GTF3C3: variants seen among roughly 807,000 people sequenced by gnomAD.
GTF3C3 encodes the protein general transcription factor 3C polypeptide 3.
GTF3C3 carries 75 observed loss-of-function variants against 105.2 expected under a neutral mutation model. The observed-to-expected ratio is 0.71, with a 90% CI of 0.59 to 0.86. The LOEUF is 0.86. Among genes scored for constraint, GTF3C3 ranks in the 40% least tolerant of loss-of-function variants. The pLI is 0.00. For synonymous variants in GTF3C3, 335 were observed against 370.4 expected (o/e 0.90, Z 1.10); for missense variants, 856 against 1,076.5 (o/e 0.80, Z 2.87).
intron 14 of GTF3C3, 140 bp from the exon 15 acceptor site, chr2:196,772,078 T>C: frequency 1.6e-6 from 1 of 613,484 alleles, no homozygotes; most frequent in Non-Finnish European, 2.9e-6. Flanking sequence ...TTTCAATCTA[T>C]TTAAAGCAAA....
chr2:196,771,673 G>A (rs890526589), intron 15 of GTF3C3, 75 bp downstream of exon 15: 4 of 983,486 alleles, frequency 4.1e-6, no homozygotes. Flanking sequence ...AATTAACCCA[G>A]ACAGTTCCAA....
At chr2:196,798,687 C>A (rs1301190365) in intron 1 of GTF3C3, among the ~76,000 whole-genome samples, 1 of 151,786 alleles carries the variant, frequency 6.6e-6, no homozygotes, top group Non-Finnish European at 1.5e-5. Context: ...CATGGTGAAA[C>A]CCCGTCTCTA....
chr2:196,769,200 A>G (rs1202749804), intron 16 of GTF3C3, among the ~76,000 whole-genome samples: 1 of 152,210 alleles, frequency 6.6e-6, no homozygotes, highest in African/African-American at 2.4e-5. Flanking sequence ...ATTTTAATGC[A>G]GGCTTTATTT....
chr2:196,789,123 TAC>T, intron 6 of GTF3C3, 79 bp downstream of exon 6: 1 of 1,183,142 alleles, frequency 8.5e-7, no homozygotes, highest in Non-Finnish European at 1.2e-6. Flanking sequence ...CAATGAAAAG[TAC>T]ATTCTATTCC....
At chr2:196,777,967 T>C (rs1322564509) in intron 10 of GTF3C3, 3 of 152,216 alleles carry the variant, frequency 2.0e-5, no homozygotes, top group Non-Finnish European at 2.9e-5. Flanking sequence ...TGCAGCTTTT[T>C]ACGATGGTAT....
At chr2:196,778,369 T>C (rs1000746280) in intron 10 of GTF3C3, 6 of 152,552 alleles carry the variant, frequency 3.9e-5, no homozygotes, top group African/African-American at 1.4e-4. Flanking sequence ...CTTTTTGCTT[T>C]CATGTATTTC....
In GTF3C3 at chr2:196,790,051, T is replaced by TG; in HGVS notation, c.554dup (p.Phe186IlefsTer9). 6.2e-7 allele frequency: 1 copy of TG among 1,608,294 alleles called. No homozygotes were observed. The highest frequency in any genetic ancestry group is 8.5e-7 in the Non-Finnish European group (1 of 1,178,158). On this transcript the variant is annotated frameshift_variant, in exon 5 of 18. Transcript: ENST00000263956. LOFTEE classifies it high-confidence loss of function. ...CATATATCATGGCTAGAGTAGAGAA[T>TG]GGCTCATAAGCCAGAGGAGCTATAA...
intron 1 of GTF3C3, among the ~76,000 whole-genome samples, chr2:196,799,035 CT>C (rs968050142): frequency 1.3e-5 from 2 of 151,894 alleles, no homozygotes. Context: ...TCGGACAATA[CT>C]TTTTTATGGA....
chr2:196,799,411 G>C, intron 1 of GTF3C3, 99 bp downstream of exon 1: 1 of 861,122 alleles, frequency 1.2e-6, no homozygotes. Context: ...AAAGTTCCCA[G>C]CCCGCCCCAT....
intron 16 of GTF3C3, chr2:196,766,930 T>C: frequency 2.8e-6 from 1 of 353,142 alleles, no homozygotes; most frequent in Admixed American, 4.5e-5. Flanking sequence ...GGGATAAATA[T>C]TCACAGAAAA....
intron 8 of GTF3C3, among the ~76,000 whole-genome samples, chr2:196,781,355 A>AT (rs1442698575): frequency 0.012 from 360 of 31,024 alleles, 2 homozygotes; most frequent in Middle Eastern, 0.031. Flanking sequence ...AAAAAAAAAA[A>AT]AAATATATAT....
intron 13 of GTF3C3, among the ~76,000 whole-genome samples, chr2:196,773,406 G>C (rs951789223): frequency 2.6e-5 from 4 of 152,140 alleles, no homozygotes; most frequent in Non-Finnish European, 5.9e-5. Flanking sequence ...ACAAGTTCCA[G>C]CTAGTTCCAT....
chr2:196,781,642 C>T (rs971922531), intron 8 of GTF3C3, among the ~76,000 whole-genome samples: 1 of 151,730 alleles, frequency 6.6e-6, no homozygotes, highest in Non-Finnish European at 1.5e-5. Context: ...CTCATGAACA[C>T]TGAGGGGAGA....
At chr2:196,792,501 C>T (rs1699566367) in intron 3 of GTF3C3, among the ~76,000 whole-genome samples, 1 of 152,122 alleles carries the variant, frequency 6.6e-6, no homozygotes, top group Admixed American at 6.5e-5. Context: ...TCCATTTTGA[C>T]ATAAGCAATA....
intron 16 of GTF3C3, among the ~76,000 whole-genome samples, chr2:196,767,158 G>A (rs1419799894): frequency 1.3e-5 from 2 of 152,148 alleles, no homozygotes; most frequent in Admixed American, 1.3e-4. Flanking sequence ...ACCTTTTAGG[G>A]TAAATTTTAC....
At chr2:196,796,539 G>T (rs548031329) in intron 2 of GTF3C3, among the ~76,000 whole-genome samples, 153 of 152,288 alleles carry the variant, frequency 1.0e-3, no homozygotes, top group African/African-American at 3.4e-3. Context: ...GAGTACATGT[G>T]CAGGATGTCC....
intron 1 of GTF3C3, among the ~76,000 whole-genome samples, chr2:196,798,771 A>C (rs1414873875): frequency 6.6e-6 from 1 of 150,564 alleles, no homozygotes; most frequent in Non-Finnish European, 1.5e-5. Context: ...CTGAGGCAGG[A>C]GAATCGCTTG....
intron 9 of GTF3C3, chr2:196,780,272 G>A: frequency 5.8e-6 from 6 of 1,027,788 alleles, no homozygotes; most frequent in Non-Finnish European, 7.1e-6. Context: ...ATAGCTGTCA[G>A]AATTATTACC....
intron 8 of GTF3C3, 166 bp from the exon 9 acceptor site, chr2:196,780,828 G>C (rs1699337889): frequency 1.3e-6 from 1 of 745,278 alleles, no homozygotes; most frequent in African/African-American, 1.8e-5. Flanking sequence ...CTGTCCTTTG[G>C]TAGCAAGTAT....
Sources: allele counts gnomAD v4.1 joint callset (sites outside exome capture counted in the v4.1 genomes callset), GRCh38; gene constraint gnomAD v4.1.1; transcripts MANE v1.5; gene names NCBI Gene and HGNC (gene_info 2026-07-23, HGNC 2026-07-21).